The following GMDS variants were observed in gnomAD, a reference collection of about 807,000 sequenced individuals.
GMDS encodes the protein GDP-mannose 4,6 dehydratase.
In GMDS, 20 loss-of-function variants were observed where a neutral mutation model predicts 49.9. The observed-to-expected ratio is 0.40, with a 90% CI of 0.28 to 0.58. GMDS has a LOEUF of 0.58. GMDS is among the 20% of genes least tolerant of loss of function. The pLI, the probability that GMDS is intolerant of heterozygous loss-of-function variation, is 0.42. For synonymous variants in GMDS, 177 were observed against 178.6 expected (o/e 0.99, Z 0.07); for missense variants, 362 against 481.4 (o/e 0.75, Z 2.32).
intron 4 of GMDS, among the ~76,000 whole-genome samples, chr6:2,002,829 TACTTA>T (rs754070485): frequency 6.6e-6 from 1 of 152,192 alleles, no homozygotes; most frequent in Non-Finnish European, 1.5e-5. Flanking sequence ...AAAAATCCCA[TACTTA>T]ATAGAGTATT....
intron 4 of GMDS, among the ~76,000 whole-genome samples, chr6:2,003,490 C>G (rs538402255): frequency 6.6e-6 from 1 of 152,268 alleles, no homozygotes; most frequent in South Asian, 2.1e-4. Flanking sequence ...ATCCCACCCA[C>G]TCCCCAAAAG....
chr6:2,009,208 C>T (rs1260454493), intron 4 of GMDS, among the ~76,000 whole-genome samples: 1 of 152,168 alleles, frequency 6.6e-6, no homozygotes, highest in Non-Finnish European at 1.5e-5. Flanking sequence ...ATCCTGATGC[C>T]TCTACATTCT....
At position 2,114,335 on chromosome 6, in the gene GMDS, A is replaced by C. The variant is rs143921848; in HGVS notation, c.345+1436T>G. 4.5e-4 allele frequency among the ~76,000 whole-genome samples: 68 copies of C among 152,286 alleles called. 1 individual carries two copies. In the East Asian group the frequency reaches 7.3e-3, roughly 16 times the overall value. On this transcript the variant is annotated intron_variant, in intron 4 of 10. Coordinates refer to ENST00000380815, the MANE Select transcript of GMDS (RefSeq NM_001500.4). ...CTCATGGCTGGTCAGGAAGGTCAAGAAGCAGCCAGATGACTTATAATGTGG... is the reference window on the plus strand; with the variant it reads ...CTCATGGCTGGTCAGGAAGGTCAAGCAGCAGCCAGATGACTTATAATGTGG...
intron 1 of GMDS, among the ~76,000 whole-genome samples, chr6:2,165,461 C>A (rs1218420607): frequency 6.6e-6 from 1 of 152,188 alleles, no homozygotes; most frequent in Non-Finnish European, 1.5e-5. Context: ...GGAGAGTCAG[C>A]CTTTTTGTTC....
chr6:2,108,385 T>A (rs1774357655), intron 4 of GMDS, among the ~76,000 whole-genome samples: 1 of 150,638 alleles, frequency 6.6e-6, no homozygotes, highest in Admixed American at 6.6e-5. Flanking sequence ...AATTTTATAT[T>A]GAATTAAATT....
chr6:1,979,885 C>A lies in GMDS; in HGVS notation c.346-18919G>T, dbSNP rs193054280. On this transcript the variant is annotated intron_variant, in intron 4 of 10. Transcript: ENST00000380815. The stretch of plus-strand genomic sequence containing the variant: ...CTACCAGCTGGAAGAGATTGGTGGC[C>A]AATATTCAACATTCTTAAAGAAAAG... 2.6e-5 allele frequency among the ~76,000 whole-genome samples: 4 copies of A among 152,184 alleles called. No homozygotes were observed. In the East Asian group the frequency reaches 7.7e-4, roughly 29 times the overall value.
intron 9 of GMDS, among the ~76,000 whole-genome samples, chr6:1,631,677 C>T (rs572103323): frequency 4.5e-4 from 68 of 152,214 alleles, no homozygotes; most frequent in African/African-American, 1.6e-3. Flanking sequence ...TCCTCCTTCT[C>T]CCCAATCCAA....
chr6:2,242,632 T>A (rs1244111431), intron 1 of GMDS, among the ~76,000 whole-genome samples: 1 of 152,192 alleles, frequency 6.6e-6, no homozygotes, highest in Non-Finnish European at 1.5e-5. Context: ...ACTATTTATT[T>A]CTCTCTGTCT....
intron 4 of GMDS, among the ~76,000 whole-genome samples, chr6:2,089,832 C>T (rs993471930): frequency 2.0e-5 from 3 of 152,176 alleles, no homozygotes; most frequent in African/African-American, 7.2e-5. Flanking sequence ...TGTGGTTACA[C>T]CTTCTTAGGA....
chr6:1,683,024 TGGGTGAGCAC>T (rs1206752873), intron 9 of GMDS, among the ~76,000 whole-genome samples: 1 of 72,412 alleles, frequency 1.4e-5, no homozygotes, highest in Non-Finnish European at 3.9e-5. Flanking sequence ...ACCACGCACG[TGGGTGAGCAC>T]GTGGGAGTCT....
At chr6:1,991,639 G>A (rs1267809458) in intron 4 of GMDS, among the ~76,000 whole-genome samples, 1 of 152,138 alleles carries the variant, frequency 6.6e-6, no homozygotes, top group African/African-American at 2.4e-5. Flanking sequence ...GATCCCTATG[G>A]TTGTTCTTTC....
intron 1 of GMDS, among the ~76,000 whole-genome samples, chr6:2,221,610 C>G (rs11242746): frequency 6.6e-6 from 1 of 152,024 alleles, no homozygotes; most frequent in Non-Finnish European, 1.5e-5. Context: ...GGATGGTCTC[C>G]ATATCCTGAC....
At chr6:2,239,748 C>G (rs975485981) in intron 1 of GMDS, among the ~76,000 whole-genome samples, 1 of 151,658 alleles carries the variant, frequency 6.6e-6, no homozygotes, top group South Asian at 2.1e-4. Context: ...TGCAGTGGCA[C>G]GATCTCGGCT....
At chr6:1,750,672 A>G (rs1017337337) in intron 7 of GMDS, among the ~76,000 whole-genome samples, 2 of 152,000 alleles carry the variant, frequency 1.3e-5, no homozygotes, top group Non-Finnish European at 2.9e-5. Context: ...AGCTAGCTGC[A>G]GGAGGTTTTT....
intron 8 of GMDS, among the ~76,000 whole-genome samples, chr6:1,741,172 T>C (rs1330897941): frequency 3.3e-5 from 5 of 152,194 alleles, no homozygotes; most frequent in African/African-American, 4.8e-5. Flanking sequence ...CATGCACATA[T>C]TTCTTTCTGG....
intron 9 of GMDS, among the ~76,000 whole-genome samples, chr6:1,674,315 A>G (rs1435636370): frequency 1.3e-5 from 2 of 152,172 alleles, no homozygotes; most frequent in African/African-American, 4.8e-5. Context: ...CCATCTGTAT[A>G]TCTTCTTTGG....
At chr6:1,781,920 G>A (rs1561801187) in intron 7 of GMDS, among the ~76,000 whole-genome samples, 2 of 151,414 alleles carry the variant, frequency 1.3e-5, no homozygotes, top group Admixed American at 1.3e-4. Flanking sequence ...ATATTGACGA[G>A]CAGGAGTAAA....
intron 4 of GMDS, among the ~76,000 whole-genome samples, chr6:2,042,643 G>A (rs1047120394): frequency 2.0e-5 from 3 of 152,108 alleles, no homozygotes; most frequent in Non-Finnish European, 4.4e-5. Context: ...TTAGTACCAA[G>A]GAACCTGAAT....
chr6:1,943,386 T>C (rs551417452), intron 6 of GMDS, among the ~76,000 whole-genome samples: 1 of 152,356 alleles, frequency 6.6e-6, no homozygotes, highest in African/African-American at 2.4e-5. Context: ...ATCTTCAGTT[T>C]ACTCACCTCA....
Sources: allele counts gnomAD v4.1 joint callset (sites outside exome capture counted in the v4.1 genomes callset), GRCh38; gene constraint gnomAD v4.1.1; transcripts MANE v1.5; gene names NCBI Gene and HGNC (gene_info 2026-07-23, HGNC 2026-07-21).